PTPRG: variants seen among roughly 807,000 people sequenced by gnomAD.
PTPRG encodes the protein protein tyrosine phosphatase receptor type G.
Under a neutral mutation model 165.3 loss-of-function variants are expected in PTPRG, and 102 were observed. The ratio of observed to expected loss-of-function variants is 0.62; its 90% CI spans 0.53 to 0.73. PTPRG has a LOEUF of 0.73. PTPRG is among the 30% of genes least tolerant of loss of function. PTPRG has a pLI of 0.00. For missense variants in PTPRG, 1,866 were observed against 1,861.4 expected (o/e 1.00, Z -0.05); for synonymous variants, 675 against 669.5 (o/e 1.01, Z -0.13).
intron 2 of PTPRG, among the ~76,000 whole-genome samples, chr3:61,979,866 C>G (rs964322788): frequency 7.9e-5 from 12 of 152,112 alleles, no homozygotes; most frequent in African/African-American, 2.7e-4. Context: ...TTCCTAGTCC[C>G]ACATCCCATC....
At chr3:62,078,767 CTT>C (rs1182136110) in intron 5 of PTPRG, among the ~76,000 whole-genome samples, 3 of 152,190 alleles carry the variant, frequency 2.0e-5, no homozygotes, top group Non-Finnish European at 2.9e-5. Flanking sequence ...TCTGTCCTCT[CTT>C]TTAATATGAT....
chr3:62,033,878 T>C (rs13071276), intron 4 of PTPRG, among the ~76,000 whole-genome samples: 44,973 of 152,008 alleles, frequency 0.3, 7,030 homozygotes, highest in African/African-American at 0.38. Context: ...AGCGATTCTC[T>C]TGTCTCAGCC....
chr3:61,727,495 A>C (rs1429401771), intron 1 of PTPRG, among the ~76,000 whole-genome samples: 1 of 152,224 alleles, frequency 6.6e-6, no homozygotes, highest in African/African-American at 2.4e-5. Context: ...AAACAAAATG[A>C]ATACATGTCA....
At chr3:61,849,137 C>T (rs530376912) in intron 2 of PTPRG, among the ~76,000 whole-genome samples, 1 of 152,250 alleles carries the variant, frequency 6.6e-6, no homozygotes, top group South Asian at 2.1e-4. Context: ...TGAAACAAAA[C>T]GTCAAAGATT....
chr3:61,678,354 A>G (rs1252794900), intron 1 of PTPRG, among the ~76,000 whole-genome samples: 2 of 152,226 alleles, frequency 1.3e-5, no homozygotes, highest in Non-Finnish European at 2.9e-5. Context: ...AATAGTCAAC[A>G]TGTGTTTTAC....
At chr3:62,192,401 T>C (rs1284025086) in intron 9 of PTPRG, among the ~76,000 whole-genome samples, 1,363 of 95,802 alleles carry the variant, frequency 0.014, 54 homozygotes, top group African/African-American at 0.081. Context: ...GTCTTTTTTT[T>C]TTTTTTTTTT....
intron 7 of PTPRG, among the ~76,000 whole-genome samples, chr3:62,161,895 G>A (rs1374098441): frequency 6.6e-6 from 1 of 152,222 alleles, no homozygotes; most frequent in Non-Finnish European, 1.5e-5. Flanking sequence ...GTGTGGTGAA[G>A]CTAAAATAAT....
chr3:61,672,763 A>AGGGAGACTGTGGGGAGAGGG lies in PTPRG; in HGVS notation c.86-76115_86-76114insGGGAGACTGTGGGGAGAGGG, dbSNP rs1559550803. On this transcript the variant is annotated intron_variant, in intron 1 of 29. Coordinates refer to ENST00000474889, the MANE Select transcript of PTPRG (RefSeq NM_002841.4). Reference sequence around the variant, plus strand: ...GAGGGAGAGGGAGAGGGAGAGGGAGAAGAGGGAGAGGGAGAGAGGGAGAGA... The same window carrying AGGGAGACTGTGGGGAGAGGG: ...GAGGGAGAGGGAGAGGGAGAGGGAGAGGGAGACTGTGGGGAGAGGGAGAGGGAGAGGGAGAGAGGGAGAGA... Among the ~76,000 whole-genome samples the AGGGAGACTGTGGGGAGAGGG allele has an allele frequency of 3.1e-5, 3 of 95,474 alleles. 1 individual carries two copies. The allele number at this position is 95,474 out of a possible 152,430, so 62.6% of individuals were successfully genotyped here.
rs77277171 is a variant in PTPRG at position 61,972,309 on chromosome 3, G to A, written c.191-17316G>A. Among the ~76,000 whole-genome samples, 1,245 of 152,324 alleles carry A rather than the reference G, an allele frequency of 8.2e-3. 11 individuals are homozygous for A. Among genetic ancestry groups the A allele is most frequent in the African/African-American group, 0.028 (1,175 of 41,570 alleles). ...GGAGAGAAGTAGAAGCTGTGATCAG[G>A]GAGGTAAATTTGGGCAGAGGCCAGA... is the stretch of plus-strand genomic sequence containing the variant. On this transcript the variant is annotated intron_variant, in intron 2 of 29. Coordinates refer to ENST00000474889, the MANE Select transcript of PTPRG (RefSeq NM_002841.4).
Position 61,562,093 on chromosome 3 carries a change from C to G in PTPRG, c.-195C>G, listed in dbSNP as rs1303107823. On this transcript the variant is annotated 5_prime_UTR_variant, in exon 1 of 30. Transcript: ENST00000474889. ...CCCAGCGTGGCTCTGCGTTCCCGGTCACTTTTTGAGATTTTCCGGGGGGCG... is the reference window on the plus strand; with the variant it reads ...CCCAGCGTGGCTCTGCGTTCCCGGTGACTTTTTGAGATTTTCCGGGGGGCG... 1.0e-5 allele frequency: 6 copies of G among 586,662 alleles called. No individual in the cohort carries two copies. Among genetic ancestry groups the G allele is most frequent in the Non-Finnish European group, 1.8e-5 (6 of 330,420 alleles). The allele number at this position is 586,662 out of a possible 1,614,324, so 36.3% of individuals were successfully genotyped here.
chr3:61,910,270 G>C (rs2038766481), intron 2 of PTPRG, among the ~76,000 whole-genome samples: 1 of 152,182 alleles, frequency 6.6e-6, no homozygotes, highest in Non-Finnish European at 1.5e-5. Flanking sequence ...TGCAAATTTA[G>C]TGAATTTGTT....
chr3:61,960,752 T>C (rs2040132996), intron 2 of PTPRG, among the ~76,000 whole-genome samples: 1 of 152,172 alleles, frequency 6.6e-6, no homozygotes, highest in African/African-American at 2.4e-5. Context: ...TGTCATTAAG[T>C]AATTATAGCT....
chr3:61,993,123 A>G (rs1007496052), intron 3 of PTPRG, among the ~76,000 whole-genome samples: 2 of 151,548 alleles, frequency 1.3e-5, no homozygotes, highest in African/African-American at 4.8e-5. Context: ...TAATTTCCAC[A>G]TTGAATAATA....
Position 62,124,082 on chromosome 3 carries a change from A to G in PTPRG, c.616-8520A>G, listed in dbSNP as rs374122250. ...TTCCTTCCCTTTTTTTTTTCTTTTT[A>G]AAAAGGTCCATTCAACTTGTCCTCC... is the stretch of plus-strand genomic sequence containing the variant. On this transcript the variant is annotated intron_variant, in intron 5 of 29. Coordinates refer to ENST00000474889, the MANE Select transcript of PTPRG (RefSeq NM_002841.4). The G allele has an allele frequency of 2.0e-3, 1,009 of 505,054 alleles. 12 individuals are homozygous for G. The highest frequency in any genetic ancestry group is 0.01 in the South Asian group (332 of 31,896). 31.3% of individuals were successfully genotyped at this position (505,054 alleles called of 1,614,324 possible).
chr3:61,916,833 A>C (rs1384655576), intron 2 of PTPRG, among the ~76,000 whole-genome samples: 2 of 152,222 alleles, frequency 1.3e-5, no homozygotes, highest in Non-Finnish European at 2.9e-5. Context: ...TGGTGGCTCC[A>C]TTTCCATTAC....
rs1354075531 is a variant in PTPRG at position 62,217,925 on chromosome 3, T to C, written c.2156-926T>C. ...CCTAAACTATTTGGCAAGCTTTCCC[T>C]GCTAACCTTTAGATTGTGGCTGCTG... is the stretch of plus-strand genomic sequence containing the variant. On this transcript the variant is annotated intron_variant, in intron 12 of 29. Transcript: ENST00000474889. The surrounding 1 kb of genome is among the most constrained non-coding windows in gnomAD (Gnocchi z 4.3). 6.6e-6 allele frequency: 1 copy of C among 152,362 alleles called. No homozygotes were observed. Among genetic ancestry groups the C allele is most frequent in the Non-Finnish European group, 1.5e-5 (1 of 68,180 alleles). The allele number at this position is 152,362 out of a possible 1,614,324, so 9.4% of individuals were successfully genotyped here. A position where few individuals can be genotyped will look rare whatever the true frequency, so the allele number is the denominator to read the frequency against.
At chr3:61,964,967 G>T (rs1386388071) in intron 2 of PTPRG, among the ~76,000 whole-genome samples, 3 of 152,122 alleles carry the variant, frequency 2.0e-5, no homozygotes, top group African/African-American at 4.8e-5. Context: ...CCGGGGCCGG[G>T]TGCAGTCTCT....
chr3:61,900,217 T>C (rs1418726991), intron 2 of PTPRG, among the ~76,000 whole-genome samples: 5 of 152,206 alleles, frequency 3.3e-5, no homozygotes, highest in African/African-American at 1.2e-4. Context: ...CGTTTATCTG[T>C]ATCATCGTTA....
In PTPRG at chr3:62,253,049, C is replaced by A. The variant is rs113526231; in HGVS notation, c.2468-2075C>A. Among the ~76,000 whole-genome samples, 1,395 of 152,242 alleles carry A rather than the reference C, an allele frequency of 9.2e-3. 8 individuals carry two copies. The highest frequency in any genetic ancestry group is 0.015 in the Non-Finnish European group (1,045 of 68,012). Reference sequence around the variant, plus strand: ...GGCAGCAGGCATACTGATTTCTGGGCATGTGTGTGTGACATTAGCTTGGAT... The same window carrying A: ...GGCAGCAGGCATACTGATTTCTGGGAATGTGTGTGTGACATTAGCTTGGAT... On this transcript the variant is annotated intron_variant, in intron 15 of 29. Coordinates refer to ENST00000474889, the MANE Select transcript of PTPRG (RefSeq NM_002841.4).
Sources: allele counts gnomAD v4.1 joint callset (sites outside exome capture counted in the v4.1 genomes callset), GRCh38; gene constraint gnomAD v4.1.1; non-coding constraint Gnocchi (gnomAD v3.1); transcripts MANE v1.5; gene names NCBI Gene and HGNC (gene_info 2026-07-23, HGNC 2026-07-21).